Variants in SCFD1 observed in about 807,000 individuals in gnomAD.
The protein encoded by SCFD1 is sec1 family domain-containing protein 1.
SCFD1 carries 37 observed loss-of-function variants against 103.2 expected under a neutral mutation model. The observed-to-expected ratio is 0.36, with a 90% CI of 0.28 to 0.47. SCFD1 has a LOEUF of 0.47. Ranked by LOEUF, SCFD1 falls within the 20% of genes least tolerant of loss-of-function variation. SCFD1 has a pLI of 1.00. For missense variants in SCFD1, 639 were observed against 761.2 expected, an observed-to-expected ratio of 0.84 and a Z score of 1.89; for synonymous variants, 264 against 245.0, an observed-to-expected ratio of 1.08 and a Z score of -0.73.
At chr14:30,690,783 C>A (rs927040593) in intron 14 of SCFD1, among the ~76,000 whole-genome samples, 7 of 152,126 alleles carry the variant, frequency 4.6e-5, no homozygotes, top group African/African-American at 9.7e-5. Flanking sequence ...GCGTCGCTCA[C>A]GCTGGGAGCT....
chr14:30,634,443 A>G (rs1482395080), intron 4 of SCFD1, among the ~76,000 whole-genome samples: 1 of 152,184 alleles, frequency 6.6e-6, no homozygotes, highest in African/African-American at 2.4e-5. Flanking sequence ...TGCCCAATTT[A>G]TAAATTATAA....
In SCFD1 at chr14:30,639,830, A is replaced by G. The variant is rs149850800; in HGVS notation, c.489A>G (p.Leu163=). The change falls in exon 6 of 25, where the codon TTA becomes TTG. Residue 163 remains leucine (L), a synonymous_variant. Transcript: ENST00000458591. ...FITLEDDMFV[L]CNQNKELVSY... ...CTTTGGAAGATGATATGTTTGTATT[A>G]TGTAATCAAAATAAGGAGCTTGTTT... 1.3e-6 allele frequency: 2 copies of G among 1,581,630 alleles called. No individual in the cohort carries two copies. The highest frequency in any genetic ancestry group is 1.4e-5 in the African/African-American group (1 of 73,428).
At chr14:30,669,039 TC>T (rs1888292034) in intron 10 of SCFD1, among the ~76,000 whole-genome samples, 1 of 152,178 alleles carries the variant, frequency 6.6e-6, no homozygotes, top group African/African-American at 2.4e-5. Flanking sequence ...GACCCAGCAA[TC>T]CCATTACTGG....
At chr14:30,706,441 A>G (rs1891475464) in intron 18 of SCFD1, among the ~76,000 whole-genome samples, 1 of 151,858 alleles carries the variant, frequency 6.6e-6, no homozygotes. Flanking sequence ...AATTTTCTAC[A>G]ACAAATATTG....
chr14:30,637,444 A>G (rs1280319923), intron 4 of SCFD1, among the ~76,000 whole-genome samples: 1 of 152,090 alleles, frequency 6.6e-6, no homozygotes, highest in East Asian at 1.9e-4. Flanking sequence ...CCAACCCCTC[A>G]ATGTTTCACA....
Position 30,705,803 on chromosome 14 carries a change from A to G in SCFD1, c.1491-20A>G. The G allele has an allele frequency of 1.2e-6, 2 of 1,608,632 alleles. No homozygotes were observed. Among genetic ancestry groups the G allele is most frequent in the South Asian group, 1.1e-5 (1 of 90,894 alleles). On this transcript the variant is annotated intron_variant, in intron 17 of 24. Transcript: ENST00000458591. ...TAGTTCTAATAATTAGCTTTTAAGT[A>G]CAACTTCCTTCTTTCATAGGGCTTT...
At chr14:30,677,146 AAGAT>A (rs915901233) in intron 14 of SCFD1, among the ~76,000 whole-genome samples, 1 of 152,144 alleles carries the variant, frequency 6.6e-6, no homozygotes, top group Non-Finnish European at 1.5e-5. Context: ...TTTTATGTAA[AAGAT>A]AGATTTTATT....
intron 7 of SCFD1, chr14:30,643,791 CT>C: frequency 3.3e-6 from 1 of 306,214 alleles, no homozygotes; most frequent in Admixed American, 4.3e-5. Context: ...ATGCCCAAGG[CT>C]CCAGAAAACA....
chr14:30,675,516 C>G (rs1409470113), intron 14 of SCFD1, among the ~76,000 whole-genome samples: 2 of 152,130 alleles, frequency 1.3e-5, no homozygotes, highest in African/African-American at 4.8e-5. Flanking sequence ...TACTGTGTAT[C>G]ATTGAACTGT....
chr14:30,712,592 C>T (rs144520014), intron 19 of SCFD1, among the ~76,000 whole-genome samples: 15 of 152,016 alleles, frequency 9.9e-5, no homozygotes, highest in Non-Finnish European at 1.5e-4. Context: ...TAAGCTTTTC[C>T]GGTGACTAAA....
At chr14:30,735,488 A>C in intron 24 of SCFD1, 98 bp from the exon 25 acceptor site, 1 of 811,146 alleles carries the variant, frequency 1.2e-6, no homozygotes, top group Non-Finnish European at 2.1e-6. Flanking sequence ...TGAATAAAAT[A>C]GGAAGTGTAA....
chr14:30,682,747 A>G (rs1014824132), intron 14 of SCFD1, among the ~76,000 whole-genome samples: 2 of 152,224 alleles, frequency 1.3e-5, no homozygotes, highest in African/African-American at 4.8e-5. Flanking sequence ...AAACATGTGA[A>G]GAAGTAAGAA....
chr14:30,719,863 G>A (rs908727926), intron 21 of SCFD1, among the ~76,000 whole-genome samples: 2 of 148,836 alleles, frequency 1.3e-5, no homozygotes, highest in African/African-American at 4.9e-5. Context: ...ACATTGGATG[G>A]TAAGATATCC....
chr14:30,693,243 C>T (rs1454968239), intron 14 of SCFD1, among the ~76,000 whole-genome samples: 7 of 151,488 alleles, frequency 4.6e-5, no homozygotes, highest in South Asian at 2.1e-4. Flanking sequence ...AGAAAGGAGG[C>T]GGATATTAGA....
At chr14:30,733,444 C>G (rs1893624108) in intron 23 of SCFD1, among the ~76,000 whole-genome samples, 1 of 152,142 alleles carries the variant, frequency 6.6e-6, no homozygotes, top group Non-Finnish European at 1.5e-5. Flanking sequence ...CATTGGATGG[C>G]TAAAAACGAT....
intron 14 of SCFD1, among the ~76,000 whole-genome samples, chr14:30,692,400 A>G (rs1019456164): frequency 6.6e-6 from 1 of 152,126 alleles, no homozygotes; most frequent in African/African-American, 2.4e-5. Flanking sequence ...ATACACAGAT[A>G]AGGGAGTAAT....
chr14:30,637,088 T>G (rs1256446227), intron 4 of SCFD1, among the ~76,000 whole-genome samples: 4 of 152,066 alleles, frequency 2.6e-5, no homozygotes, highest in Non-Finnish European at 4.4e-5. Flanking sequence ...TTAGGTATAT[T>G]CATTGTGACT....
intron 2 of SCFD1, among the ~76,000 whole-genome samples, chr14:30,629,465 AAAGCC>A: frequency 6.6e-6 from 1 of 152,288 alleles, no homozygotes; most frequent in Middle Eastern, 3.4e-3. Flanking sequence ...TTTGAGTTAA[AAAGCC>A]CATTTGGAGT....
intron 15 of SCFD1, among the ~76,000 whole-genome samples, chr14:30,699,359 A>G (rs1368828472): frequency 6.6e-6 from 1 of 152,210 alleles, no homozygotes; most frequent in Non-Finnish European, 1.5e-5. Flanking sequence ...GAGTTCTTGC[A>G]TCTTAGGATG....
Sources: allele counts gnomAD v4.1 joint callset (sites outside exome capture counted in the v4.1 genomes callset), GRCh38; gene constraint gnomAD v4.1.1; transcripts MANE v1.5; gene names NCBI Gene and HGNC (gene_info 2026-07-23, HGNC 2026-07-21).